DEFB121: variants seen among roughly 807,000 people sequenced by gnomAD.
The protein encoded by DEFB121 is beta-defensin 121.
DEFB121 carries 5 observed loss-of-function variants against 2.5 expected under a neutral mutation model. The observed-to-expected ratio is 1.96, with a 90% CI of 1.03 to 4.13. The LOEUF (loss-of-function observed/expected upper bound fraction) is 4.13. Among genes scored for constraint, DEFB121 ranks in the 30% most tolerant of loss-of-function variants. DEFB121 has a pLI of 0.00. For synonymous variants in DEFB121, 39 were observed against 32.6 expected (o/e 1.20, Z -0.67); for missense variants, 87 against 85.0 (o/e 1.02, Z -0.09).
At chr20:31,407,731 G>A (rs1278359298), upstream of DEFB121, among the ~76,000 whole-genome samples, 2 of 152,336 alleles carry the variant, frequency 1.3e-5, no homozygotes, top group South Asian at 2.1e-4. Context: ...GATCAGGAAA[G>A]AGCCAAGTGC....
chr20:31,417,041 C>T (rs542823288), upstream of DEFB121, among the ~76,000 whole-genome samples: 27 of 152,158 alleles, frequency 1.8e-4, no homozygotes, highest in South Asian at 5.4e-3. Flanking sequence ...TATAGGCCTC[C>T]CTTCACATTA....
At position 31,405,086 on chromosome 20, in the gene DEFB121, C is replaced by A; in HGVS notation, c.59-1G>T. The stretch of plus-strand genomic sequence containing the variant: ...CCTGACTTGCCCCAACATTTCATGA[C>A]TGAAAACAAAAGGGAAGAAGAGAAT... On this transcript the variant is annotated splice_acceptor_variant, in intron 1 of 1. Coordinates refer to ENST00000376314, the MANE Select transcript of DEFB121 (RefSeq NM_001011878.3). LOFTEE classifies it high-confidence loss of function. The A allele has an allele frequency of 1.3e-6, 2 of 1,590,330 alleles. No homozygotes were observed. The highest frequency in any genetic ancestry group is 8.5e-7 in the Non-Finnish European group (1 of 1,173,054).
upstream of DEFB121, among the ~76,000 whole-genome samples, chr20:31,406,796 T>C (rs1040020208): frequency 2.0e-5 from 3 of 152,186 alleles, no homozygotes; most frequent in Non-Finnish European, 4.4e-5. Flanking sequence ...TTGTGGTCTT[T>C]TTTTTATTAT....
chr20:31,412,531 G>T (rs985712178), intron 1 of DEFB121: 2 of 922,008 alleles, frequency 2.2e-6, no homozygotes, highest in Non-Finnish European at 3.0e-6. Context: ...GATTAAATTA[G>T]GTGATGCTTG....
chr20:31,406,038 T>C, intron 1 of DEFB121, 57 bp downstream of exon 1: 3 of 1,587,418 alleles, frequency 1.9e-6, no homozygotes, highest in South Asian at 2.2e-5. Flanking sequence ...TCCCCAGAGT[T>C]CTCTGAACAT....
intron 1 of DEFB121, 132 bp from the exon 2 acceptor site, chr20:31,405,217 C>A: frequency 2.4e-6 from 2 of 825,332 alleles, no homozygotes; most frequent in South Asian, 3.8e-5. Context: ...AGCTCTTACA[C>A]AGGATCCCCT....
At chr20:31,412,880 G>A, upstream of DEFB121, 3 of 272,806 alleles carry the variant, frequency 1.1e-5, no homozygotes, top group South Asian at 3.5e-5. Flanking sequence ...CTCTGTTCGG[G>A]CACTGGTGAA....
At chr20:31,415,724 G>C (rs1383535276), upstream of DEFB121, among the ~76,000 whole-genome samples, 1 of 152,092 alleles carries the variant, frequency 6.6e-6, no homozygotes, top group East Asian at 1.9e-4. Context: ...GGGGTTCATG[G>C]AGGACCTTCT....
chr20:31,411,235 C>T (rs943572113), intron 1 of DEFB121, among the ~76,000 whole-genome samples: 5 of 152,220 alleles, frequency 3.3e-5, no homozygotes, highest in African/African-American at 1.2e-4. Flanking sequence ...GAACTATATA[C>T]ATCTACAGTT....
chr20:31,409,468 T>A (rs1978595584), upstream of DEFB121, among the ~76,000 whole-genome samples: 1 of 152,142 alleles, frequency 6.6e-6, no homozygotes, highest in South Asian at 2.1e-4. Context: ...AAGCTGGGTG[T>A]GGTGGTTCAC....
chr20:31,415,474 T>G (rs564921034), upstream of DEFB121, among the ~76,000 whole-genome samples: 107 of 152,210 alleles, frequency 7.0e-4, no homozygotes, highest in African/African-American at 2.4e-3. Context: ...GGTCTCAAAC[T>G]CTTGACCTCA....
upstream of DEFB121, among the ~76,000 whole-genome samples, chr20:31,414,399 A>G (rs1308642006): frequency 6.6e-6 from 1 of 152,226 alleles, no homozygotes; most frequent in East Asian, 1.9e-4. Flanking sequence ...ATATCTGCAC[A>G]CCCACGTTCA....
chr20:31,417,911 C>T, the DEFB121 span, among the ~76,000 whole-genome samples: 1 of 151,588 alleles, frequency 6.6e-6, no homozygotes, highest in African/African-American at 2.4e-5. Context: ...TGCAGTGAGC[C>T]GAGATTGTGC....
intron 1 of DEFB121, among the ~76,000 whole-genome samples, chr20:31,411,448 C>G (rs1236404094): frequency 1.3e-5 from 2 of 152,062 alleles, no homozygotes. Flanking sequence ...TTACTGATAT[C>G]TGCACATTTC....
upstream of DEFB121, among the ~76,000 whole-genome samples, chr20:31,408,824 G>A (rs1041952437): frequency 3.9e-5 from 6 of 152,264 alleles, no homozygotes; most frequent in East Asian, 1.9e-4. Context: ...CCAGGAATTC[G>A]AGACCAGCCT....
the DEFB121 span, among the ~76,000 whole-genome samples, chr20:31,418,104 CA>C: frequency 6.9e-6 from 1 of 144,546 alleles, no homozygotes; most frequent in African/African-American, 2.5e-5. Flanking sequence ...ACTAAAAATA[CA>C]AAAAATTAGC....
At chr20:31,405,991 C>A in intron 1 of DEFB121, 104 bp downstream of exon 1, 1 of 1,300,524 alleles carries the variant, frequency 7.7e-7, no homozygotes, top group Non-Finnish European at 1.1e-6. Flanking sequence ...CCTCAATGAG[C>A]TCTACCAGGC....
upstream of DEFB121, among the ~76,000 whole-genome samples, chr20:31,408,070 C>T (rs1478358588): frequency 1.3e-5 from 2 of 152,186 alleles, no homozygotes; most frequent in African/African-American, 4.8e-5. Context: ...TGAGCCACTG[C>T]ACCTGGCCTA....
chr20:31,414,426 T>C (rs571075844), upstream of DEFB121, among the ~76,000 whole-genome samples: 1 of 152,174 alleles, frequency 6.6e-6, no homozygotes, highest in Non-Finnish European at 1.5e-5. Flanking sequence ...TTATTGACCA[T>C]AGCCAAGATA....
Sources: gnomAD v4.1 joint callset for allele counts (sites outside exome capture counted in the v4.1 genomes callset) on GRCh38, gnomAD v4.1.1 for gene constraint, MANE v1.5 for transcripts, NCBI Gene and HGNC (gene_info 2026-07-23, HGNC 2026-07-21) for gene names.